GREB1L: variants seen among roughly 807,000 people sequenced by gnomAD.
GREB1L encodes the protein GREB1 like retinoic acid receptor coactivator.
GREB1L carries 17 observed loss-of-function variants against 200.8 expected under a neutral mutation model. The ratio of observed to expected loss-of-function variants is 0.08; its 90% CI spans 0.06 to 0.13. GREB1L has a LOEUF of 0.13. Ranked by LOEUF, GREB1L falls within the 10% of genes least tolerant of loss-of-function variation. The pLI, the probability that GREB1L is intolerant of heterozygous loss-of-function variation, is 1.00. For synonymous variants in GREB1L, 789 were observed against 893.0 expected (o/e 0.88, Z 2.08); for missense variants, 1,657 against 2,367.7 (o/e 0.70, Z 6.23).
At chr18:21,487,233 G>C (rs1448133990) in intron 18 of GREB1L, among the ~76,000 whole-genome samples, 1 of 152,084 alleles carries the variant, frequency 6.6e-6, no homozygotes, top group African/African-American at 2.4e-5. Flanking sequence ...TATTTTAAAT[G>C]ATGATCTCAT....
At chr18:21,435,767 T>C (rs144667297) in intron 7 of GREB1L, among the ~76,000 whole-genome samples, 10 of 152,346 alleles carry the variant, frequency 6.6e-5, no homozygotes, top group African/African-American at 2.4e-4. Flanking sequence ...GGAAAAGTTA[T>C]AGGCAGCCAG....
intron 19 of GREB1L, among the ~76,000 whole-genome samples, chr18:21,490,870 T>C (rs559657242): frequency 6.6e-6 from 1 of 152,264 alleles, no homozygotes; most frequent in East Asian, 1.9e-4. Flanking sequence ...CAGCAGTTTG[T>C]TGTTTCTTTT....
chr18:21,286,266 A>C (rs2038355364), intron 1 of GREB1L, among the ~76,000 whole-genome samples: 1 of 152,184 alleles, frequency 6.6e-6, no homozygotes, highest in Non-Finnish European at 1.5e-5. Context: ...GTTGATTAGG[A>C]GATCTCTTTG....
intron 1 of GREB1L, among the ~76,000 whole-genome samples, chr18:21,344,910 A>G (rs563852212): frequency 1.3e-5 from 2 of 152,206 alleles, no homozygotes; most frequent in African/African-American, 2.4e-5. Context: ...CATTGTCCCT[A>G]TCCCTAAATG....
chr18:21,274,836 A>G (rs1203730605), intron 1 of GREB1L, among the ~76,000 whole-genome samples: 1 of 152,114 alleles, frequency 6.6e-6, no homozygotes, highest in Non-Finnish European at 1.5e-5. Flanking sequence ...GCAGTGAACT[A>G]TGAGTGCGCT....
intron 15 of GREB1L, among the ~76,000 whole-genome samples, chr18:21,461,769 AT>A (rs1331167877): frequency 2.0e-5 from 3 of 152,284 alleles, no homozygotes; most frequent in African/African-American, 7.2e-5. Flanking sequence ...TAAAATGAAT[AT>A]TTTACTATGC....
intron 5 of GREB1L, among the ~76,000 whole-genome samples, chr18:21,397,848 T>G (rs1264857403): frequency 6.6e-6 from 1 of 152,240 alleles, no homozygotes; most frequent in Non-Finnish European, 1.5e-5. Flanking sequence ...TTATTCAGGA[T>G]GTACTGTGTG....
intron 1 of GREB1L, among the ~76,000 whole-genome samples, chr18:21,288,282 T>C (rs1291454124): frequency 2.6e-5 from 4 of 152,264 alleles, no homozygotes; most frequent in East Asian, 3.9e-4. Context: ...GCTGTGATCT[T>C]TCTTCCACCT....
intron 27 of GREB1L, chr18:21,508,800 T>C (rs2037123891): frequency 1.7e-6 from 1 of 585,152 alleles, no homozygotes; most frequent in Non-Finnish European, 3.0e-6. Context: ...CAGAATTAAC[T>C]CTGAGGACTG....
chr18:21,467,821 G>A (rs940055337), intron 15 of GREB1L, among the ~76,000 whole-genome samples: 6 of 152,090 alleles, frequency 3.9e-5, no homozygotes, highest in African/African-American at 1.2e-4. Context: ...TCAGGAGATT[G>A]AGAGCATTCT....
intron 7 of GREB1L, among the ~76,000 whole-genome samples, chr18:21,428,525 T>A (rs532755910): frequency 3.1e-4 from 47 of 151,536 alleles, no homozygotes; most frequent in Non-Finnish European, 5.9e-4. Context: ...ATGTGGTTTT[T>A]GTCCTTTATT....
At chr18:21,315,588 T>C (rs1403519242) in intron 1 of GREB1L, among the ~76,000 whole-genome samples, 3 of 152,172 alleles carry the variant, frequency 2.0e-5, no homozygotes, top group African/African-American at 4.8e-5. Flanking sequence ...TTATGATGTA[T>C]TTACATAAAA....
intron 31 of GREB1L, 22 bp from the exon 32 acceptor site, chr18:21,520,666 T>G (rs1326073399): frequency 6.4e-7 from 1 of 1,551,330 alleles, no homozygotes; most frequent in African/African-American, 1.4e-5. Context: ...ATGCCCATGC[T>G]ATTTTTGCTT....
intron 19 of GREB1L, among the ~76,000 whole-genome samples, chr18:21,495,036 G>C (rs978103148): frequency 6.6e-6 from 1 of 152,006 alleles, no homozygotes; most frequent in African/African-American, 2.4e-5. Flanking sequence ...ATGAGGGGCA[G>C]TTTCGTTTTG....
At chr18:21,315,909 G>A (rs1225869427) in intron 1 of GREB1L, among the ~76,000 whole-genome samples, 2 of 152,082 alleles carry the variant, frequency 1.3e-5, no homozygotes, top group Admixed American at 6.6e-5. Context: ...TACACAACCC[G>A]CACATCGAAG....
At chr18:21,477,402 C>A in intron 17 of GREB1L, 46 bp downstream of exon 17, 1 of 1,421,050 alleles carries the variant, frequency 7.0e-7, no homozygotes, top group South Asian at 1.4e-5. Context: ...GTTCTCAGTT[C>A]CCAAGAGGGT....
chr18:21,300,341 T>A (rs2038597856), intron 1 of GREB1L, among the ~76,000 whole-genome samples: 1 of 152,200 alleles, frequency 6.6e-6, no homozygotes, highest in African/African-American at 2.4e-5. Context: ...ATTTTGAAGT[T>A]GTCAGGAGTT....
intron 1 of GREB1L, among the ~76,000 whole-genome samples, chr18:21,332,734 CAA>C (rs1306608929): frequency 1.3e-5 from 2 of 152,244 alleles, no homozygotes; most frequent in Non-Finnish European, 2.9e-5. Context: ...CTCACCCTCC[CAA>C]AGTGTTGAGA....
chr18:21,327,056 A>G (rs1222961348), intron 1 of GREB1L, among the ~76,000 whole-genome samples: 3 of 152,236 alleles, frequency 2.0e-5, no homozygotes, highest in African/African-American at 7.2e-5. Context: ...AAAAATTACA[A>G]TCAATAGTGT....
Sources: gnomAD v4.1 joint callset for allele counts (sites outside exome capture counted in the v4.1 genomes callset) on GRCh38, gnomAD v4.1.1 for gene constraint, MANE v1.5 for transcripts, NCBI Gene and HGNC (gene_info 2026-07-23, HGNC 2026-07-21) for gene names.